Variants in GRID2 observed in about 807,000 individuals in gnomAD.
GRID2 encodes the protein glutamate ionotropic receptor delta type subunit 2, also known as glutamate receptor ionotropic, delta-2.
Under a neutral mutation model 114.8 loss-of-function variants are expected in GRID2, and 33 were observed. The observed-to-expected ratio is 0.29, with a 90% CI of 0.22 to 0.38. The LOEUF (loss-of-function observed/expected upper bound fraction) is 0.38. Among genes scored for constraint, GRID2 ranks in the 10% least tolerant of loss-of-function variants. GRID2 has a pLI of 1.00. For synonymous variants in GRID2, 505 were observed against 449.9 expected (o/e 1.12, Z -1.55); for missense variants, 1,184 against 1,257.7 (o/e 0.94, Z 0.89).
chr4:92,434,240 G>A (rs556936714), intron 1 of GRID2, among the ~76,000 whole-genome samples: 8 of 151,924 alleles, frequency 5.3e-5, no homozygotes, highest in South Asian at 4.2e-4. Context: ...TTTTTTTTGC[G>A]TGTAGTCTCT....
At chr4:92,933,165 A>T (rs561810801) in intron 2 of GRID2, among the ~76,000 whole-genome samples, 1 of 150,048 alleles carries the variant, frequency 6.7e-6, no homozygotes, top group Non-Finnish European at 1.5e-5. Context: ...ATATATACAC[A>T]TATATATATG....
intron 1 of GRID2, among the ~76,000 whole-genome samples, chr4:92,524,551 CTCTT>C (rs929414827): frequency 6.6e-6 from 1 of 151,494 alleles, no homozygotes; most frequent in African/African-American, 2.4e-5. Context: ...TTTTGTCTCT[CTCTT>C]CCACATTGAA....
At chr4:93,172,701 C>T (rs1009274657) in intron 4 of GRID2, among the ~76,000 whole-genome samples, 1 of 151,990 alleles carries the variant, frequency 6.6e-6, no homozygotes, top group African/African-American at 2.4e-5. Flanking sequence ...GATTCCAAAA[C>T]AACTATTTAA....
chr4:92,565,833 A>G (rs1012464916), intron 1 of GRID2, among the ~76,000 whole-genome samples: 2 of 152,050 alleles, frequency 1.3e-5, no homozygotes, highest in African/African-American at 2.4e-5. Flanking sequence ...AATTGAGTGT[A>G]TTGGTTTGTT....
chr4:92,540,809 T>C (rs897505157), intron 1 of GRID2, among the ~76,000 whole-genome samples: 4 of 152,086 alleles, frequency 2.6e-5, no homozygotes, highest in Non-Finnish European at 5.9e-5. Context: ...ACCCAAAGGA[T>C]TATAAATCAT....
intron 1 of GRID2, among the ~76,000 whole-genome samples, chr4:92,575,769 G>A (rs1014843793): frequency 3.3e-5 from 5 of 152,144 alleles, no homozygotes; most frequent in African/African-American, 7.2e-5. Context: ...TAGGGCTCTC[G>A]AAGGCCCACA....
intron 2 of GRID2, among the ~76,000 whole-genome samples, chr4:92,764,752 C>T (rs970626247): frequency 6.6e-6 from 1 of 152,088 alleles, no homozygotes; most frequent in African/African-American, 2.4e-5. Flanking sequence ...ATTTTCAGTG[C>T]TAACACAATG....
chr4:92,964,367 A>G (rs1380244078), intron 2 of GRID2, among the ~76,000 whole-genome samples: 1 of 151,930 alleles, frequency 6.6e-6, no homozygotes, highest in African/African-American at 2.4e-5. Flanking sequence ...AGGGAGGGGA[A>G]CATCACACAC....
At chr4:92,634,873 GAGAGAA>G (rs757088189) in intron 2 of GRID2, among the ~76,000 whole-genome samples, 1,669 of 138,348 alleles carry the variant, frequency 0.012, 33 homozygotes, top group African/African-American at 0.042. Flanking sequence ...GAGAGAGAGA[GAGAGAA>G]AGAGAGAGAG....
At chr4:93,193,896 C>T (rs768034627) in intron 4 of GRID2, among the ~76,000 whole-genome samples, 5 of 152,174 alleles carry the variant, frequency 3.3e-5, no homozygotes, top group Non-Finnish European at 7.3e-5. Flanking sequence ...ATGGCCTCAA[C>T]TCTAGTAACA....
At chr4:92,922,360 C>T (rs1235461930) in intron 2 of GRID2, among the ~76,000 whole-genome samples, 3 of 152,098 alleles carry the variant, frequency 2.0e-5, no homozygotes, top group Admixed American at 2.0e-4. Context: ...GTCCTGCACC[C>T]ACTGTCCGAC....
At chr4:93,474,877 T>A (rs1725174451) in intron 11 of GRID2, among the ~76,000 whole-genome samples, 1 of 152,168 alleles carries the variant, frequency 6.6e-6, no homozygotes, top group African/African-American at 2.4e-5. Context: ...CTAAAACACT[T>A]AAAACAATGC....
intron 14 of GRID2, among the ~76,000 whole-genome samples, chr4:93,665,931 C>T (rs1044752284): frequency 5.3e-5 from 8 of 152,118 alleles, no homozygotes; most frequent in African/African-American, 1.7e-4. Flanking sequence ...ATTACGTCTT[C>T]CTGGAAGTCA....
At chr4:93,671,596 ATGTT>A (rs1190411549) in intron 14 of GRID2, among the ~76,000 whole-genome samples, 1 of 152,188 alleles carries the variant, frequency 6.6e-6, no homozygotes, top group African/African-American at 2.4e-5. Flanking sequence ...CCTCACAGGG[ATGTT>A]TGTCAAAAGT....
chr4:93,329,586 A>G (rs1432046452), intron 8 of GRID2, among the ~76,000 whole-genome samples: 1 of 152,258 alleles, frequency 6.6e-6, no homozygotes, highest in East Asian at 1.9e-4. Context: ...TAATAAAGAG[A>G]TGACTCTGTT....
intron 1 of GRID2, among the ~76,000 whole-genome samples, chr4:93,802,470 G>A (rs1378673921): frequency 1.3e-5 from 2 of 152,080 alleles, no homozygotes; most frequent in Non-Finnish European, 2.9e-5. Context: ...ATTTCATGAG[G>A]TGTTACTAGT....
At chr4:93,251,327 T>C (rs1389311553) in intron 8 of GRID2, among the ~76,000 whole-genome samples, 1 of 152,146 alleles carries the variant, frequency 6.6e-6, no homozygotes, top group Admixed American at 6.6e-5. Flanking sequence ...TTCTCTCTAA[T>C]ATAACCTCAC....
intron 2 of GRID2, among the ~76,000 whole-genome samples, chr4:92,832,335 C>T: frequency 6.6e-6 from 1 of 151,956 alleles, no homozygotes; most frequent in South Asian, 2.1e-4. Flanking sequence ...TGCCTGTAAT[C>T]CCAGCTACTT....
At chr4:93,306,624 T>C (rs1186081514) in intron 8 of GRID2, among the ~76,000 whole-genome samples, 2 of 152,182 alleles carry the variant, frequency 1.3e-5, no homozygotes, top group Non-Finnish European at 2.9e-5. Flanking sequence ...CTTTGAAGTG[T>C]ATTTTAAAAA....
Sources: gnomAD v4.1 joint callset for allele counts (sites outside exome capture counted in the v4.1 genomes callset) on GRCh38, gnomAD v4.1.1 for gene constraint, MANE v1.5 for transcripts, NCBI Gene and HGNC (gene_info 2026-07-23, HGNC 2026-07-21) for gene names.